ATF7IP: variants seen among roughly 807,000 people sequenced by gnomAD.
ATF7IP encodes activating transcription factor 7-interacting protein 1.
In ATF7IP, 23 loss-of-function variants were observed where a neutral mutation model predicts 106.4. That is an observed-to-expected ratio of 0.22 (90% CI 0.16 to 0.31). The LOEUF is 0.31. ATF7IP is among the 10% of genes least tolerant of loss of function. ATF7IP has a pLI of 1.00. For missense variants in ATF7IP, 1,334 were observed against 1,524.3 expected (o/e 0.88, Z 2.08); for synonymous variants, 542 against 539.0 (o/e 1.01, Z -0.08).
chr12:14,446,649 G>A (rs1330614586), intron 5 of ATF7IP, among the ~76,000 whole-genome samples: 10 of 152,110 alleles, frequency 6.6e-5, no homozygotes, highest in Non-Finnish European at 1.3e-4. Context: ...AGAAAATCAA[G>A]TGTGATTACA....
chr12:14,447,070 CT>C lies in ATF7IP; in HGVS notation c.1995+19del, dbSNP rs1326087524. ...AGACATGAAGTAAAATTTTTCTATTCTTGCATAATTAATATTTAGCACTAAG... is the reference window on the plus strand; with the variant it reads ...AGACATGAAGTAAAATTTTTCTATTCTGCATAATTAATATTTAGCACTAAG... On this transcript the variant is annotated intron_variant, in intron 6 of 14. Coordinates refer to ENST00000261168, the MANE Select transcript of ATF7IP (RefSeq NM_018179.5). 6.5e-7 allele frequency: 1 copy of C among 1,539,204 alleles called. No homozygotes were observed. Among genetic ancestry groups the C allele is most frequent in the Admixed American group, 2.0e-5 (1 of 51,192 alleles).
intron 1 of ATF7IP, among the ~76,000 whole-genome samples, chr12:14,376,524 C>A (rs145481172): frequency 3.9e-5 from 6 of 152,298 alleles, no homozygotes; most frequent in African/African-American, 1.4e-4. Flanking sequence ...TAAGAGTTAA[C>A]CTCTGTATGG....
chr12:14,457,381 A>G (rs1161022603), intron 8 of ATF7IP, 86 bp downstream of exon 8: 6 of 1,025,924 alleles, frequency 5.8e-6, no homozygotes, highest in Non-Finnish European at 8.4e-6. Flanking sequence ...TGAGGTTGAA[A>G]TGGATTAAGA....
chr12:14,476,615 A>G (rs1023218144), intron 11 of ATF7IP, among the ~76,000 whole-genome samples: 1 of 152,078 alleles, frequency 6.6e-6, no homozygotes, highest in African/African-American at 2.4e-5. Context: ...AGAGAAAACA[A>G]TTCAGACTCA....
At chr12:14,435,203 G>C (rs758205746) in intron 3 of ATF7IP, among the ~76,000 whole-genome samples, 3 of 152,068 alleles carry the variant, frequency 2.0e-5, no homozygotes, top group Non-Finnish European at 4.4e-5. Context: ...GGAAGGAAAT[G>C]ATGGACTGAG....
chr12:14,385,101 G>T, intron 1 of ATF7IP: 1 of 335,900 alleles, frequency 3.0e-6, no homozygotes, highest in Admixed American at 4.7e-5. Context: ...AAACTGGCTT[G>T]CTGCCTTCTG....
In ATF7IP at chr12:14,457,278, A is replaced by G; in HGVS notation, c.2141A>G (p.Gln714Arg). ...AGCGAGAGTGCACCACCATCCTTTC[A>G]AACTCCTGTGAATACAGGTAACTTT... Reference protein sequence around the residue: ...NVSESAPPSFQTPVNTVSSTN... With the variant: ...NVSESAPPSFRTPVNTVSSTN... The change falls in exon 8 of 15, where the codon CAA (glutamine) becomes CGA (arginine). Residue 714 changes from glutamine (Q) to arginine (R), a missense_variant. Transcript: ENST00000261168. 6.2e-7 allele frequency: 1 copy of G among 1,612,220 alleles called. No individual in the cohort carries two copies. The highest frequency in any genetic ancestry group is 8.5e-7 in the Non-Finnish European group (1 of 1,179,392).
chr12:14,470,842 A>G (rs778942606), intron 10 of ATF7IP, among the ~76,000 whole-genome samples: 1 of 152,196 alleles, frequency 6.6e-6, no homozygotes, highest in Non-Finnish European at 1.5e-5. Context: ...GTAGTATATG[A>G]TAATAAATTG....
chr12:14,439,463 A>G (rs1488318139), intron 5 of ATF7IP, among the ~76,000 whole-genome samples: 1 of 152,234 alleles, frequency 6.6e-6, no homozygotes, highest in Non-Finnish European at 1.5e-5. Flanking sequence ...AAATGCCTGA[A>G]GATTTGAAAG....
At chr12:14,396,702 T>C (rs1032233737) in intron 1 of ATF7IP, among the ~76,000 whole-genome samples, 1 of 152,094 alleles carries the variant, frequency 6.6e-6, no homozygotes, top group African/African-American at 2.4e-5. Flanking sequence ...GGGAAGATAG[T>C]TGAGATGGGC....
intron 13 of ATF7IP, among the ~76,000 whole-genome samples, chr12:14,494,333 A>ATGTGTGTGTGTGTGTGTGTG (rs1210425478): frequency 2.3e-5 from 2 of 86,038 alleles, no homozygotes; most frequent in African/African-American, 9.1e-5. Context: ...ATATATATAT[A>ATGTGTGTGTGTGTGTGTGTG]TGTGTGTGTG....
intron 1 of ATF7IP, among the ~76,000 whole-genome samples, chr12:14,373,037 C>T (rs1035562980): frequency 3.3e-5 from 5 of 151,986 alleles, no homozygotes; most frequent in African/African-American, 1.2e-4. Flanking sequence ...TTTTGAGGAC[C>T]AGGAGAAAGA....
At chr12:14,440,125 C>T (rs185975143) in intron 5 of ATF7IP, among the ~76,000 whole-genome samples, 91 of 152,218 alleles carry the variant, frequency 6.0e-4, no homozygotes, top group African/African-American at 1.9e-3. Context: ...TCTTGGAAAC[C>T]GATCCCTCTC....
At chr12:14,481,730 T>C (rs1169884385) in intron 13 of ATF7IP, 1 of 282,728 alleles carries the variant, frequency 3.5e-6, no homozygotes, top group East Asian at 1.2e-4. Context: ...TGGTATATTC[T>C]CTACTCTATT....
At chr12:14,396,593 C>G (rs1220175653) in intron 1 of ATF7IP, among the ~76,000 whole-genome samples, 2 of 152,054 alleles carry the variant, frequency 1.3e-5, no homozygotes, top group African/African-American at 4.8e-5. Flanking sequence ...AGGAGAAGGT[C>G]ATGCTTCTTG....
intron 1 of ATF7IP, among the ~76,000 whole-genome samples, chr12:14,376,596 C>T (rs912832539): frequency 2.6e-5 from 4 of 152,174 alleles, no homozygotes; most frequent in Non-Finnish European, 5.9e-5. Flanking sequence ...CTACCAGAAA[C>T]CGCATCATCT....
At chr12:14,423,436 C>G (rs1941640478) in intron 1 of ATF7IP, among the ~76,000 whole-genome samples, 2 of 151,988 alleles carry the variant, frequency 1.3e-5, no homozygotes, top group African/African-American at 4.8e-5. Flanking sequence ...TTCTGCCAAT[C>G]TAAGTATGCT....
At chr12:14,467,951 T>A (rs1369632892) in intron 10 of ATF7IP, among the ~76,000 whole-genome samples, 3 of 152,162 alleles carry the variant, frequency 2.0e-5, no homozygotes, top group Non-Finnish European at 4.4e-5. Context: ...TAAACTCTAT[T>A]GTATAGAATA....
At chr12:14,483,514 C>T (rs1317874477) in intron 13 of ATF7IP, among the ~76,000 whole-genome samples, 1 of 152,058 alleles carries the variant, frequency 6.6e-6, no homozygotes, top group East Asian at 1.9e-4. Context: ...CTGGTGGGAG[C>T]GTTCCTCCCT....
Sources: gnomAD v4.1 joint callset for allele counts (sites outside exome capture counted in the v4.1 genomes callset) on GRCh38, gnomAD v4.1.1 for gene constraint, MANE v1.5 for transcripts, NCBI Gene and HGNC (gene_info 2026-07-23, HGNC 2026-07-21) for gene names.